ABR: variants seen among roughly 807,000 people sequenced by gnomAD.
ABR encodes active breakpoint cluster region-related protein.
In ABR, 35 loss-of-function variants were observed where a neutral mutation model predicts 107.2. The ratio of observed to expected loss-of-function variants is 0.33; its 90% confidence interval spans 0.25 to 0.43. ABR has a LOEUF of 0.43. Ranked by LOEUF, ABR falls within the 20% of genes least tolerant of loss-of-function variation. The pLI is 1.00. For missense variants in ABR, 815 were observed against 1,115.2 expected (o/e 0.73, Z 3.83); for synonymous variants, 498 against 462.0 (o/e 1.08, Z -1.00).
intron 1 of ABR, 69 bp from the exon 2 acceptor site, chr17:1,125,436 G>C (rs755464161): frequency 6.3e-7 from 1 of 1,580,724 alleles, no homozygotes; most frequent in South Asian, 1.1e-5. Context: ...GTAGCGTAGT[G>C]GGCGCCGGCG....
At chr17:1,119,772 G>A (rs1474912872) in intron 2 of ABR, among the ~76,000 whole-genome samples, 1 of 152,250 alleles carries the variant, frequency 6.6e-6, no homozygotes, top group Non-Finnish European at 1.5e-5. Context: ...AGCTTCACAA[G>A]GGAGGGCGTG....
At chr17:1,062,411 T>A (rs2034092899) in intron 10 of ABR, among the ~76,000 whole-genome samples, 2 of 145,846 alleles carry the variant, frequency 1.4e-5, no homozygotes, top group Non-Finnish European at 3.1e-5. Context: ...GACACTGTTG[T>A]TACGTGAACT....
upstream of ABR, among the ~76,000 whole-genome samples, chr17:1,180,932 C>T (rs140477852): frequency 4.0e-3 from 606 of 152,260 alleles, 4 homozygotes; most frequent in African/African-American, 0.013. Flanking sequence ...GGGTCCAGGG[C>T]AGTGGGGCTG....
chr17:1,114,772 C>CA (rs35379371), intron 2 of ABR, among the ~76,000 whole-genome samples: 3,330 of 141,426 alleles, frequency 0.024, 131 homozygotes, highest in African/African-American at 0.079. Flanking sequence ...GACTCCGTCT[C>CA]AAAAAAAAAA....
intron 16 of ABR, among the ~76,000 whole-genome samples, chr17:1,028,108 C>T (rs2072365177): frequency 6.6e-6 from 1 of 151,984 alleles, no homozygotes; most frequent in Non-Finnish European, 1.5e-5. Flanking sequence ...CCCCCCACCC[C>T]AAGACCGAGT....
chr17:1,152,359 G>A (rs777474110), intron 1 of ABR, among the ~76,000 whole-genome samples: 19 of 151,656 alleles, frequency 1.3e-4, no homozygotes, highest in Non-Finnish European at 2.2e-4. Context: ...GGAGGCTGAG[G>A]TGGGTGGATC....
intron 3 of ABR, among the ~76,000 whole-genome samples, chr17:1,096,015 TG>T (rs1198284614): frequency 6.6e-6 from 1 of 152,206 alleles, no homozygotes. Context: ...CCTCACCCTG[TG>T]GCCCCAGCGT....
In ABR at chr17:1,077,780, C is replaced by T. The variant is rs1341892228; in HGVS notation, c.700+1550G>A. Among the ~76,000 whole-genome samples the T allele has an allele frequency of 5.3e-5, 8 of 152,174 alleles. No homozygotes were observed. The South Asian group carries it at 6.2e-4, about 12-fold the overall frequency. On this transcript the variant is annotated intron_variant, in intron 6 of 22. Coordinates refer to ENST00000302538, the MANE Select transcript of ABR (RefSeq NM_021962.5). ...AAAGTGACTGAGAAGGGTGCAGAGC[C>T]GAAACACCTGGTGGGAAGGAAGAGG...
chr17:1,031,732 C>T (rs986598141), intron 16 of ABR: 237 of 1,240,720 alleles, frequency 1.9e-4, no homozygotes, highest in South Asian at 1.2e-3. Context: ...TGGGGCAGGA[C>T]GTCGGTCATG....
chr17:1,168,896 C>G (rs2041608120), intron 1 of ABR, among the ~76,000 whole-genome samples: 1 of 152,238 alleles, frequency 6.6e-6, no homozygotes, highest in Non-Finnish European at 1.5e-5. Flanking sequence ...CTTGGTGCCC[C>G]AGCTCATCCA....
chr17:1,227,854 G>A (rs2043250372), intron 1 of ABR, among the ~76,000 whole-genome samples: 2 of 152,122 alleles, frequency 1.3e-5, no homozygotes, highest in South Asian at 4.2e-4. Context: ...AGAGCTCGGT[G>A]GACGCTCAAT....
intron 2 of ABR, chr17:1,108,990 C>T: frequency 6.3e-7 from 1 of 1,598,518 alleles, no homozygotes; most frequent in South Asian, 1.1e-5. Context: ...GTTCCCAGCT[C>T]GCACTCCTCC....
chr17:1,061,127 T>C (rs1413036001), intron 10 of ABR, among the ~76,000 whole-genome samples: 1 of 152,186 alleles, frequency 6.6e-6, no homozygotes, highest in Admixed American at 6.5e-5. Context: ...CTTCCTCCAC[T>C]GGACAGGGAT....
intron 3 of ABR, among the ~76,000 whole-genome samples, chr17:1,094,115 C>A (rs2037232249): frequency 6.6e-6 from 1 of 152,156 alleles, no homozygotes; most frequent in Non-Finnish European, 1.5e-5. Flanking sequence ...CCGGTCAGGC[C>A]TCTCCTTCTG....
chr17:1,065,971 C>T (rs2034695549), intron 10 of ABR, among the ~76,000 whole-genome samples: 1 of 152,172 alleles, frequency 6.6e-6, no homozygotes, highest in Non-Finnish European at 1.5e-5. Context: ...TCTCAAACTC[C>T]TGACCTCAGG....
intron 16 of ABR, 54 bp downstream of exon 16, chr17:1,049,996 C>T: frequency 6.4e-7 from 1 of 1,567,208 alleles, no homozygotes; most frequent in Non-Finnish European, 8.6e-7. Context: ...TCCTTTTCAA[C>T]TGGAACCACC....
chr17:1,222,074 C>CTTTTTTTTTTTTTT lies in ABR; in HGVS notation c.838+6718_838+6719insAAAAAAAAAAAAAA, dbSNP rs1488404002. On this transcript the variant is annotated intron_variant, in intron 1 of 22. Transcript: ENST00000574139. ...ATAACAGCACCATGGAGGATCCCAT[C>CTTTTTTTTTTTTTT]TTTTTTTCTGAGACGGAGTTTCACC... Among the ~76,000 whole-genome samples the CTTTTTTTTTTTTTT allele has an allele frequency of 6.2e-3, 892 of 144,578 alleles. 129 individuals are homozygous for CTTTTTTTTTTTTTT. Among genetic ancestry groups the CTTTTTTTTTTTTTT allele is most frequent in the Middle Eastern group, 0.011 (3 of 278 alleles). The allele number at this position is 144,578 out of a possible 152,430, so 94.8% of individuals were successfully genotyped here. A position where few individuals can be genotyped will look rare whatever the true frequency, so the allele number is the denominator to read the frequency against.
At chr17:1,079,140 C>T (rs2035992093) in intron 6 of ABR, 190 bp downstream of exon 6, 3 of 1,436,996 alleles carry the variant, frequency 2.1e-6, no homozygotes, top group South Asian at 2.9e-5. Flanking sequence ...TGCCTGGGCA[C>T]GAGGCTAGAG....
chr17:1,138,127 C>T (rs1451420461), intron 1 of ABR, among the ~76,000 whole-genome samples: 1 of 151,750 alleles, frequency 6.6e-6, no homozygotes, highest in East Asian at 1.9e-4. Flanking sequence ...TGGTCTCAAG[C>T]TCCTGACCTC....
Sources: allele counts gnomAD v4.1 joint callset (sites outside exome capture counted in the v4.1 genomes callset), GRCh38; gene constraint gnomAD v4.1.1; transcripts MANE v1.5; gene names NCBI Gene and HGNC (gene_info 2026-07-23, HGNC 2026-07-21).